The following TNKS variants were observed in gnomAD, a reference collection of about 807,000 sequenced individuals.
The protein encoded by TNKS is tankyrase.
Under a neutral mutation model 135.8 loss-of-function variants are expected in TNKS, and 72 were observed. The observed-to-expected ratio is 0.53, with a 90% CI of 0.44 to 0.64. TNKS has a LOEUF of 0.64. TNKS is among the 30% of genes least tolerant of loss of function. TNKS has a pLI of 0.00. For missense variants in TNKS, 1,769 were observed against 1,674.0 expected, an observed-to-expected ratio of 1.06 and a Z score of -0.99; for synonymous variants, 849 against 649.3, an observed-to-expected ratio of 1.31 and a Z score of -4.68.
intron 23 of TNKS, among the ~76,000 whole-genome samples, chr8:9,765,345 A>C (rs1807371319): frequency 6.6e-6 from 1 of 152,122 alleles, no homozygotes; most frequent in African/African-American, 2.4e-5. Flanking sequence ...TAACCCAGGG[A>C]ACTTTTTTAA....
chr8:9,731,460 C>CAAAAAAAAAAAAAAAAAAAAA (rs36213271), intron 14 of TNKS, among the ~76,000 whole-genome samples: 1 of 67,508 alleles, frequency 1.5e-5, no homozygotes, highest in African/African-American at 5.3e-5. Context: ...AATTCCATCT[C>CAAAAAAAAAAAAAAAAAAAAA]AAAAAAAAAA....
At position 9,612,736 on chromosome 8, in the gene TNKS, G is replaced by C. The variant is rs1406562049; in HGVS notation, c.899-2846G>C. On this transcript the variant is annotated intron_variant, in intron 2 of 26. Transcript: ENST00000310430. ...GGGATGAGGACCCTTGAACAATGCAGGGGTTAGGACCGTTGAACAACGTGC... is the reference window on the plus strand; with the variant it reads ...GGGATGAGGACCCTTGAACAATGCACGGGTTAGGACCGTTGAACAACGTGC... Among the ~76,000 whole-genome samples the C allele has an allele frequency of 6.6e-5, 10 of 152,126 alleles. 1 individual carries two copies.
intron 17 of TNKS, among the ~76,000 whole-genome samples, chr8:9,747,380 A>T (rs1204057805): frequency 6.8e-6 from 1 of 146,228 alleles, no homozygotes; most frequent in Non-Finnish European, 1.5e-5. Flanking sequence ...CTTCTTTTCC[A>T]TTTTTCTGTA....
chr8:9,707,384 G>A (rs571255257), intron 8 of TNKS, among the ~76,000 whole-genome samples: 1 of 152,094 alleles, frequency 6.6e-6, no homozygotes, highest in African/African-American at 2.4e-5. Context: ...GACAGTGATA[G>A]GTATCTAGCA....
At chr8:9,770,510 G>C (rs900499454) in intron 26 of TNKS, among the ~76,000 whole-genome samples, 2 of 152,242 alleles carry the variant, frequency 1.3e-5, no homozygotes, top group Non-Finnish European at 2.9e-5. Context: ...ACAAAGGCTT[G>C]GGCCCTCATG....
Position 9,708,496 on chromosome 8 carries a change from A to T in TNKS, c.1578+4A>T, listed in dbSNP as rs1804162236. The T allele has an allele frequency of 6.3e-7, 1 of 1,587,438 alleles. No homozygotes were observed. The highest frequency in any genetic ancestry group is 8.6e-7 in the Non-Finnish European group (1 of 1,168,186). Reference sequence around the variant, plus strand: ...GCAGTCTCATGAAACAGCACTGGTAAGATTTTATTGTTAATCTATTCCCTG... The same window carrying T: ...GCAGTCTCATGAAACAGCACTGGTATGATTTTATTGTTAATCTATTCCCTG... On this transcript the variant is annotated splice_donor_region_variant and intron_variant, in intron 9 of 26. Coordinates refer to ENST00000310430, the MANE Select transcript of TNKS (RefSeq NM_003747.3).
At chr8:9,669,394 C>T (rs867566207) in intron 3 of TNKS, among the ~76,000 whole-genome samples, 46 of 145,596 alleles carry the variant, frequency 3.2e-4, no homozygotes, top group Admixed American at 1.3e-3. Flanking sequence ...GTCCGCAGTC[C>T]GGCCTGCGCG....
At position 9,580,254 on chromosome 8, in the gene TNKS, T is replaced by G. The variant is rs758330837; in HGVS notation, c.769T>G (p.Cys257Gly). The G allele has an allele frequency of 6.2e-7, 1 of 1,614,188 alleles. No individual in the cohort carries two copies. The highest frequency in any genetic ancestry group is 1.1e-5 in the South Asian group (1 of 91,074). The change falls in exon 2 of 27, where the codon TGT becomes GGT. Residue 257 changes from cysteine (C) to glycine (G), a missense_variant. Coordinates refer to ENST00000310430, the MANE Select transcript of TNKS (RefSeq NM_003747.3). ...DGGLIPLHNA[C>G]SFGHAEVVSL... Reference sequence around the variant, plus strand: ...AGGTCTCATCCCGCTTCATAATGCCTGTTCTTTTGGCCATGCTGAGGTTGT... The same window carrying G: ...AGGTCTCATCCCGCTTCATAATGCCGGTTCTTTTGGCCATGCTGAGGTTGT...
At chr8:9,582,887 G>T (rs998217937) in intron 2 of TNKS, among the ~76,000 whole-genome samples, 4 of 151,994 alleles carry the variant, frequency 2.6e-5, no homozygotes, top group African/African-American at 9.7e-5. Flanking sequence ...CCATTTAGGG[G>T]CAGGCGCGGT....
chr8:9,563,247 CT>C (rs1238052240), intron 1 of TNKS, among the ~76,000 whole-genome samples: 1 of 152,110 alleles, frequency 6.6e-6, no homozygotes, highest in East Asian at 1.9e-4. Context: ...CCCCAAACCC[CT>C]GATAACTGTC....
At chr8:9,775,247 G>A (rs528020685) in intron 26 of TNKS, among the ~76,000 whole-genome samples, 1 of 151,866 alleles carries the variant, frequency 6.6e-6, no homozygotes, top group Non-Finnish European at 1.5e-5. Flanking sequence ...TATGTCTTAA[G>A]ATAAAACTAC....
chr8:9,742,882 A>G (rs188967330), intron 17 of TNKS, among the ~76,000 whole-genome samples: 2 of 151,894 alleles, frequency 1.3e-5, no homozygotes, highest in Admixed American at 1.3e-4. Flanking sequence ...TATTAACACA[A>G]TATAAAAAGT....
chr8:9,699,941 A>C (rs1429941094), intron 5 of TNKS, among the ~76,000 whole-genome samples: 1 of 152,220 alleles, frequency 6.6e-6, no homozygotes, highest in Non-Finnish European at 1.5e-5. Context: ...AAGTTTCTCA[A>C]ATATACCTTG....
At chr8:9,687,022 A>G (rs1241404081) in intron 5 of TNKS, among the ~76,000 whole-genome samples, 1 of 152,216 alleles carries the variant, frequency 6.6e-6, no homozygotes, top group Admixed American at 6.5e-5. Flanking sequence ...CTGTATCCTC[A>G]CACTGGATAG....
chr8:9,649,214 T>C (rs186941998), intron 3 of TNKS, among the ~76,000 whole-genome samples: 2 of 152,354 alleles, frequency 1.3e-5, no homozygotes, highest in African/African-American at 2.4e-5. Context: ...ACAGAGCTAC[T>C]TGAACTACCA....
intron 1 of TNKS, among the ~76,000 whole-genome samples, chr8:9,573,983 A>G (rs1385943581): frequency 6.6e-6 from 1 of 152,214 alleles, no homozygotes; most frequent in African/African-American, 2.4e-5. Context: ...AAGTGAATGG[A>G]GAATAGATAC....
intron 18 of TNKS, among the ~76,000 whole-genome samples, chr8:9,749,553 C>T (rs867890629): frequency 6.6e-6 from 1 of 151,448 alleles, no homozygotes; most frequent in Non-Finnish European, 1.5e-5. Context: ...TGGCTCACCA[C>T]AACCCCAACC....
intron 3 of TNKS, among the ~76,000 whole-genome samples, chr8:9,624,997 A>G (rs550625451): frequency 1.1e-4 from 17 of 152,296 alleles, no homozygotes; most frequent in African/African-American, 4.1e-4. Flanking sequence ...ACCCACAGAT[A>G]CATAGGGCCA....
intron 20 of TNKS, among the ~76,000 whole-genome samples, chr8:9,757,439 T>C (rs1016542302): frequency 1.3e-5 from 2 of 152,222 alleles, no homozygotes; most frequent in Admixed American, 1.3e-4. Flanking sequence ...TGTATTCTTT[T>C]AACTGATTTT....
Sources: allele counts gnomAD v4.1 joint callset (sites outside exome capture counted in the v4.1 genomes callset), GRCh38; gene constraint gnomAD v4.1.1; transcripts MANE v1.5; gene names NCBI Gene and HGNC (gene_info 2026-07-23, HGNC 2026-07-21).